The following PCYT1A variants were observed in gnomAD, a reference collection of about 807,000 sequenced individuals.
PCYT1A encodes the protein phosphate cytidylyltransferase 1A, choline.
Under a neutral mutation model 43.7 loss-of-function variants are expected in PCYT1A, and 25 were observed. The observed-to-expected ratio is 0.57, with a 90% CI of 0.42 to 0.80. The LOEUF (loss-of-function observed/expected upper bound fraction) is 0.80, where lower values mean the gene tolerates loss of function less well. Among genes scored for constraint, PCYT1A ranks in the 30% least tolerant of loss-of-function variants. The pLI, the probability that PCYT1A is intolerant of heterozygous loss-of-function variation, is 0.00. For missense variants in PCYT1A, 421 were observed against 474.2 expected, an observed-to-expected ratio of 0.89 and a Z score of 1.04; for synonymous variants, 172 against 170.7, an observed-to-expected ratio of 1.01 and a Z score of -0.06.
In PCYT1A at chr3:196,239,543, A is replaced by G; in HGVS notation, c.897+4T>C. 5 of 1,591,264 alleles carry G rather than the reference A, an allele frequency of 3.1e-6. No individual in the cohort carries two copies. The highest frequency in any genetic ancestry group is 1.1e-5 in the South Asian group (1 of 90,536). On this transcript the variant is annotated splice_donor_region_variant and intron_variant, in intron 8 of 8. Coordinates refer to ENST00000431016, the MANE Select transcript of PCYT1A (RefSeq NM_001312673.2). The stretch of plus-strand genomic sequence containing the variant: ...CCTACATTGTCCAGTGGGAAAGAAC[A>G]TACCAGTGCTCCTTCCGGACCAAAC...
At position 196,247,325 on chromosome 3, in the gene PCYT1A, G is replaced by GA; in HGVS notation, c.486+41dup. 6.2e-7 allele frequency: 1 copy of GA among 1,604,642 alleles called. No individual in the cohort carries two copies. The highest frequency in any genetic ancestry group is 8.5e-7 in the Non-Finnish European group (1 of 1,173,354). On this transcript the variant is annotated intron_variant, in intron 5 of 8. Transcript: ENST00000431016. This position sits in a 1 kb window ranked among gnomAD's most constrained non-coding sequence, Gnocchi z 4.8. The stretch of plus-strand genomic sequence containing the variant: ...TGCCAGCAGCTTTGAGAGTTGAGGG[G>GA]ATTCTGAAACAAGGAATGGGAATAT...
At position 196,242,133 on chromosome 3, in the gene PCYT1A, T is replaced by C; in HGVS notation, c.566-43A>G. On this transcript the variant is annotated intron_variant, in intron 6 of 8. Transcript: ENST00000431016. This position sits in a 1 kb window ranked among gnomAD's most constrained non-coding sequence, Gnocchi z 4.2. ...ACAGACAAACACTGTGAGGTTCTGG[T>C]TAGCTCAGGTATTAAGACTAAATGG... The C allele has an allele frequency of 3.1e-6, 5 of 1,604,100 alleles. No individual in the cohort carries two copies. The highest frequency in any genetic ancestry group is 4.3e-6 in the Non-Finnish European group (5 of 1,172,226).
At chr3:196,262,373 C>T (rs572746621) in intron 2 of PCYT1A, among the ~76,000 whole-genome samples, 4 of 152,122 alleles carry the variant, frequency 2.6e-5, no homozygotes, top group Admixed American at 6.5e-5. Flanking sequence ...AAGTAGCATC[C>T]GCAAAGTAAT....
Position 196,247,293 on chromosome 3 carries a change from G to A in PCYT1A, c.486+74C>T. On this transcript the variant is annotated intron_variant, in intron 5 of 8. Transcript: ENST00000431016. The surrounding 1 kb of genome is among the most constrained non-coding windows in gnomAD (Gnocchi z 4.8). ...GTAAAACACGGCTAGTGGAAAACCA[G>A]CCTACGTGCCAGCAGCTTTGAGAGT... is the stretch of plus-strand genomic sequence containing the variant. The A allele has an allele frequency of 6.6e-7, 1 of 1,512,512 alleles. No homozygotes were observed. The highest frequency in any genetic ancestry group is 9.1e-7 in the Non-Finnish European group (1 of 1,097,256). 93.7% of individuals were successfully genotyped at this position (1,512,512 alleles called of 1,614,324 possible).
rs1202337412 is a variant in PCYT1A at position 196,268,355 on chromosome 3, A to C, written c.117+2060T>G. Among the ~76,000 whole-genome samples, 1 of 152,234 alleles carries C rather than the reference A, an allele frequency of 6.6e-6. No individual in the cohort carries two copies. The highest frequency in any genetic ancestry group is 2.4e-5 in the African/African-American group (1 of 41,462). On this transcript the variant is annotated intron_variant, in intron 2 of 8. Transcript: ENST00000431016. This position sits in a 1 kb window ranked among gnomAD's most constrained non-coding sequence, Gnocchi z 4.4. ...TGAATTATCTAAGAAATATTCAGAA[A>C]CTAACAATGCCCTGTTTTGTTGATT...
At chr3:196,269,687 C>G (rs1725374798) in intron 2 of PCYT1A, among the ~76,000 whole-genome samples, 1 of 151,694 alleles carries the variant, frequency 6.6e-6, no homozygotes, top group South Asian at 2.1e-4. Flanking sequence ...GATAAAGGAG[C>G]ATAAGGTAGG....
At chr3:196,244,704 A>G (rs1724501921) in intron 5 of PCYT1A, among the ~76,000 whole-genome samples, 2 of 152,266 alleles carry the variant, frequency 1.3e-5, no homozygotes, top group South Asian at 4.1e-4. Flanking sequence ...GTGTCTGTGT[A>G]GAAAGAAGTA....
At chr3:196,272,253 C>T (rs1292953720) in intron 1 of PCYT1A, among the ~76,000 whole-genome samples, 4 of 151,736 alleles carry the variant, frequency 2.6e-5, no homozygotes, top group African/African-American at 7.3e-5. Context: ...GGCACCATCT[C>T]GGCTCACTAC....
Position 196,261,714 on chromosome 3 carries a change from C to T in PCYT1A, c.118-3827G>A, listed in dbSNP as rs138308468. Among the ~76,000 whole-genome samples the T allele has an allele frequency of 5.1e-3, 768 of 151,238 alleles. 8 individuals carry two copies. The highest frequency in any genetic ancestry group is 0.017 in the African/African-American group (720 of 41,158). On this transcript the variant is annotated intron_variant, in intron 2 of 8. Transcript: ENST00000431016. The stretch of plus-strand genomic sequence containing the variant: ...CTGAGGCAGGAGAATTGCTTGAACT[C>T]GGGATGCGGAGGTTGCAGTGAGCCG...
In PCYT1A at chr3:196,247,434, C is replaced by A; in HGVS notation, c.419G>T (p.Arg140Leu). 1.2e-6 allele frequency: 2 copies of A among 1,614,142 alleles called. No homozygotes were observed. The part of the protein sequence containing the change: ...NERYDAVQHC[R>L]YVDEVVRNAP... ...ATTCCTCACCACCTCATCCACGTAG[C>A]GGCAGTGCTGGACTGCGTCATAGCG... Residue 140 changes from arginine (R) to leucine (L), a missense_variant, in exon 5 of 9, where the codon CGC becomes CTC. Arg to Leu is a moderately radical substitution (Grantham distance 102). Coordinates refer to ENST00000431016, the MANE Select transcript of PCYT1A (RefSeq NM_001312673.2). The surrounding 1 kb of genome is among the most constrained non-coding windows in gnomAD (Gnocchi z 4.8).
At position 196,242,820 on chromosome 3, in the gene PCYT1A, T is replaced by A. The variant is rs1398329678; in HGVS notation, c.487-180A>T. On this transcript the variant is annotated intron_variant, in intron 5 of 8. Transcript: ENST00000431016. The surrounding 1 kb of genome is among the most constrained non-coding windows in gnomAD (Gnocchi z 4.2). ...TTCACAAACCACCCAACCTAATGATTTATGGAGTATACATATGAAGTTAGC... is the reference window on the plus strand; with the variant it reads ...TTCACAAACCACCCAACCTAATGATATATGGAGTATACATATGAAGTTAGC... The A allele has an allele frequency of 4.8e-6, 3 of 618,596 alleles. No individual in the cohort carries two copies. The African/African-American group carries it at 5.6e-5, about 11-fold the overall frequency. 38.3% of individuals were successfully genotyped at this position (618,596 alleles called of 1,614,324 possible).
At chr3:196,243,749 T>C (rs1031283372) in intron 5 of PCYT1A, among the ~76,000 whole-genome samples, 11 of 152,266 alleles carry the variant, frequency 7.2e-5, no homozygotes, top group African/African-American at 1.2e-4. Flanking sequence ...TTGGCCGGGC[T>C]GGTCTCCAGC....
intron 1 of PCYT1A, among the ~76,000 whole-genome samples, chr3:196,284,239 T>G (rs552764552): frequency 6.6e-6 from 1 of 152,346 alleles, no homozygotes. Flanking sequence ...TGGAAAATTA[T>G]GCTTTTTATT....
intron 1 of PCYT1A, among the ~76,000 whole-genome samples, chr3:196,272,570 C>A (rs1725464609): frequency 6.6e-6 from 1 of 152,168 alleles, no homozygotes; most frequent in Non-Finnish European, 1.5e-5. Flanking sequence ...CCACCCACCT[C>A]GACCTCCCAA....
At chr3:196,266,762 G>T (rs569653149) in intron 2 of PCYT1A, among the ~76,000 whole-genome samples, 1 of 151,894 alleles carries the variant, frequency 6.6e-6, no homozygotes, top group African/African-American at 2.4e-5. Context: ...TGGTGGCGGC[G>T]CATGCCTGTA....
chr3:196,257,172 C>G (rs1180414002), intron 3 of PCYT1A, among the ~76,000 whole-genome samples: 1 of 152,096 alleles, frequency 6.6e-6, no homozygotes, highest in African/African-American at 2.4e-5. Flanking sequence ...TCTCTAAAAC[C>G]AATTGCCCCA....
chr3:196,245,290 T>C (rs1206973778), intron 5 of PCYT1A, among the ~76,000 whole-genome samples: 2 of 152,012 alleles, frequency 1.3e-5, no homozygotes, highest in East Asian at 3.9e-4. Context: ...TACAGGCGCA[T>C]GTCACCCCGC....
intron 1 of PCYT1A, among the ~76,000 whole-genome samples, chr3:196,283,167 G>T (rs1037231197): frequency 6.6e-6 from 1 of 152,054 alleles, no homozygotes; most frequent in Admixed American, 6.6e-5. Flanking sequence ...ATGAAACCCC[G>T]TCTCTACTAA....
intron 7 of PCYT1A, chr3:196,241,433 C>A: frequency 9.4e-7 from 1 of 1,062,974 alleles, no homozygotes. Flanking sequence ...AGCAGTCCTC[C>A]CGCCTCAGCC....
Sources: allele counts gnomAD v4.1 joint callset (sites outside exome capture counted in the v4.1 genomes callset), GRCh38; gene constraint gnomAD v4.1.1; non-coding constraint Gnocchi (gnomAD v3.1); transcripts MANE v1.5; gene names NCBI Gene and HGNC (gene_info 2026-07-23, HGNC 2026-07-21).